The following MBD3 variants were observed in gnomAD, a reference collection of about 807,000 sequenced individuals.
MBD3 encodes methyl-CpG binding domain protein 3, also known as methyl-CpG-binding domain protein 3.
In MBD3, 13 loss-of-function variants were observed where a neutral mutation model predicts 31.2. The ratio of observed to expected loss-of-function variants is 0.42; its 90% CI spans 0.27 to 0.66. The LOEUF (loss-of-function observed/expected upper bound fraction) is 0.66, where lower values mean the gene tolerates loss of function less well. Ranked by LOEUF, MBD3 falls within the 30% of genes least tolerant of loss-of-function variation. The pLI, the probability that MBD3 is intolerant of heterozygous loss-of-function variation, is 0.26. For missense variants in MBD3, 440 were observed against 426.5 expected, an observed-to-expected ratio of 1.03 and a Z score of -0.28; for synonymous variants, 223 against 187.4, an observed-to-expected ratio of 1.19 and a Z score of -1.55.
At chr19:1,581,022 G>A (rs1169744760) in intron 5 of MBD3, 70 bp downstream of exon 5, 13 of 1,582,408 alleles carry the variant, frequency 8.2e-6, no homozygotes, top group Admixed American at 1.7e-5. Flanking sequence ...GCAGGCACAC[G>A]GGGACACTCA....
Position 1,578,501 on chromosome 19 carries a change from G to T in MBD3, c.715C>A (p.Leu239Met). ...ATGTCGGCCATCAGCGCCTCCTCCA[G>T]CCGCTTCCGCACCTGCTGCACCAGC... ...EELVQQVRKR[L>M]EEALMADMLA... Residue 239 changes from leucine (L) to methionine (M), a missense_variant, in exon 6 of 7, where the codon CTG (leucine) becomes ATG (methionine). This residue lies in a region of MBD3 where 117 missense variants were observed against 95.0 expected (regional missense o/e 1.23). Transcript: ENST00000434436. This position sits in a 1 kb window ranked among gnomAD's most constrained non-coding sequence, Gnocchi z 6.1. The T allele has an allele frequency of 6.2e-7, 1 of 1,612,056 alleles. No individual in the cohort carries two copies.
chr19:1,586,004 G>A (rs2060677547), intron 1 of MBD3: 1 of 152,404 alleles, frequency 6.6e-6, no homozygotes, highest in Non-Finnish European at 1.5e-5. Context: ...GGGTTGCCCT[G>A]TGTGTCACAT....
At chr19:1,580,657 CCTGA>C (rs1276875755) in intron 5 of MBD3, among the ~76,000 whole-genome samples, 1 of 152,242 alleles carries the variant, frequency 6.6e-6, no homozygotes, top group East Asian at 1.9e-4. Flanking sequence ...CTCAGCCTCA[CCTGA>C]CTGTTGCCTG....
At chr19:1,587,576 A>G (rs1432656234) in intron 1 of MBD3, among the ~76,000 whole-genome samples, 1 of 152,070 alleles carries the variant, frequency 6.6e-6, no homozygotes, top group Non-Finnish European at 1.5e-5. Context: ...CACCATGCCC[A>G]GCTAATTTTT....
At chr19:1,584,961 G>A (rs1006605335) in intron 2 of MBD3, 94 bp downstream of exon 2, 2 of 1,536,590 alleles carry the variant, frequency 1.3e-6, no homozygotes, top group Admixed American at 1.8e-5. Flanking sequence ...CTGCGCTCAG[G>A]ACGCCGGGCT....
chr19:1,584,441 T>C, intron 3 of MBD3, 99 bp downstream of exon 3: 1 of 1,543,864 alleles, frequency 6.5e-7, no homozygotes, highest in Non-Finnish European at 8.8e-7. Context: ...ACTCCTGCGC[T>C]CACTACGTCC....
intron 2 of MBD3, 94 bp from the exon 3 acceptor site, chr19:1,584,771 G>A (rs1485673070): frequency 9.7e-6 from 13 of 1,333,570 alleles, no homozygotes; most frequent in East Asian, 2.7e-5. Context: ...CTGCTTTGCC[G>A]GCGCCCCTCG....
At chr19:1,590,604 G>A (rs1435840769) in intron 1 of MBD3, among the ~76,000 whole-genome samples, 1 of 151,680 alleles carries the variant, frequency 6.6e-6, no homozygotes, top group Non-Finnish European at 1.5e-5. Flanking sequence ...GTGAGACCCT[G>A]TCTCAAAGAA....
At chr19:1,589,454 AC>A (rs1377064351) in intron 1 of MBD3, among the ~76,000 whole-genome samples, 1 of 151,828 alleles carries the variant, frequency 6.6e-6, no homozygotes, top group Non-Finnish European at 1.5e-5. Flanking sequence ...GGAGTTCAAG[AC>A]CAGCCTGGCC....
In MBD3 at chr19:1,585,194, C is replaced by T. The variant is rs2060673339; in HGVS notation, c.131G>A (p.Arg44His). 2 of 1,603,012 alleles carry T rather than the reference C, an allele frequency of 1.2e-6. No homozygotes were observed. Among genetic ancestry groups the T allele is most frequent in the South Asian group, 1.1e-5 (1 of 90,694 alleles). Reference sequence around the variant, plus strand: ...GTAGCGCGCCAGCTGCGGCTTGCTGCGGAACTTCTTCCCGCTCGGGCTGCG... The same window carrying T: ...GTAGCGCGCCAGCTGCGGCTTGCTGTGGAACTTCTTCCCGCTCGGGCTGCG... ...FYYSPSGKKF[R>H]SKPQLARYLG... Residue 44 changes from arginine (R) to histidine (H), a missense_variant, in exon 2 of 7, where the codon CGC (arginine) becomes CAC (histidine). Around this residue, in one of 3 missense-constraint regions of MBD3, gnomAD observed 179 missense variants for 134.7 expected, o/e 1.33. Transcript: ENST00000434436. The surrounding 1 kb of genome is among the most constrained non-coding windows in gnomAD (Gnocchi z 4.1).
intron 1 of MBD3, among the ~76,000 whole-genome samples, chr19:1,591,036 C>CG (rs1248705442): frequency 6.6e-6 from 1 of 152,338 alleles, no homozygotes; most frequent in African/African-American, 2.4e-5. Flanking sequence ...CAGGATACTC[C>CG]GCTCAAGCTG....
At chr19:1,590,523 T>C (rs2060698713) in intron 1 of MBD3, among the ~76,000 whole-genome samples, 3 of 152,024 alleles carry the variant, frequency 2.0e-5, no homozygotes, top group Admixed American at 2.0e-4. Context: ...GAGGCTGAGC[T>C]GAGAGGGTCG....
rs1016005395 is a variant in MBD3, at chr19:1,575,925, C to G, written c.*2239G>C. The G allele has an allele frequency of 2.0e-5, 3 of 152,308 alleles. No individual in the cohort carries two copies. The highest frequency in any genetic ancestry group is 7.2e-5 in the African/African-American group (3 of 41,420). 9.4% of individuals were successfully genotyped at this position (152,308 alleles called of 1,614,324 possible). On this transcript the variant is annotated 3_prime_UTR_variant, in exon 7 of 7. Coordinates refer to ENST00000434436, the MANE Select transcript of MBD3 (RefSeq NM_001281453.2). ...CCAAGGCCAGGACATGGCCAGAACC[C>G]CGGGATCAGAGGGACTGATCGGGGT...
intron 2 of MBD3, 33 bp from the exon 3 acceptor site, chr19:1,584,710 G>T: frequency 6.2e-7 from 1 of 1,601,040 alleles, no homozygotes; most frequent in South Asian, 1.1e-5. Flanking sequence ...TCCGGCCTGG[G>T]GGCGCCCCGG....
chr19:1,587,853 T>G (rs761941110), intron 1 of MBD3, among the ~76,000 whole-genome samples: 11 of 151,572 alleles, frequency 7.3e-5, no homozygotes, highest in South Asian at 4.1e-4. Context: ...GATTGGTGGG[T>G]AGCTCTGTTT....
intron 3 of MBD3, 113 bp from the exon 4 acceptor site, chr19:1,582,825 A>G (rs971791895): frequency 1.1e-5 from 9 of 848,782 alleles, no homozygotes; most frequent in Non-Finnish European, 1.8e-5. Context: ...GTGGGTCCCA[A>G]TGGGGCATCT....
chr19:1,574,748 G>A lies in MBD3; in HGVS notation c.*3416C>T, dbSNP rs1173368555. ...TCCGAAAGAACGTTCCGGAAGCTGG[G>A]GGTGTTTTCCATGGGCACCTCCGGG... On this transcript the variant is annotated 3_prime_UTR_variant, in exon 7 of 7. Transcript: ENST00000434436. 1 of 157,444 alleles carries A rather than the reference G, an allele frequency of 6.4e-6. No individual in the cohort carries two copies. The highest frequency in any genetic ancestry group is 1.4e-5 in the Non-Finnish European group (1 of 70,888). 9.8% of individuals were successfully genotyped at this position (157,444 alleles called of 1,614,324 possible). A position where few individuals can be genotyped will look rare whatever the true frequency, so the allele number is the denominator to read the frequency against.
rs979729037 is a variant in MBD3, at chr19:1,581,483, C to T, written c.500-214G>A. The T allele has an allele frequency of 8.2e-6, 5 of 612,754 alleles. No homozygotes were observed. The Admixed American group carries it at 1.0e-4, about 13-fold the overall frequency. 38.0% of individuals were successfully genotyped at this position (612,754 alleles called of 1,614,324 possible). On this transcript the variant is annotated intron_variant, in intron 4 of 6. Coordinates refer to ENST00000434436, the MANE Select transcript of MBD3 (RefSeq NM_001281453.2). ...TTAGGCCAGGCGTGGCGACTCCCGCCTGTAATCCCAGCATCTTGGGAGGGC... is the reference window on the plus strand; with the variant it reads ...TTAGGCCAGGCGTGGCGACTCCCGCTTGTAATCCCAGCATCTTGGGAGGGC...
At position 1,580,179 on chromosome 19, in the gene MBD3, C is replaced by G. The variant is rs151250530; in HGVS notation, c.677+913G>C. 6.8e-3 allele frequency among the ~76,000 whole-genome samples: 1,034 copies of G among 152,316 alleles called. 8 individuals are homozygous for G. The highest frequency in any genetic ancestry group is 0.01 in the Non-Finnish European group (708 of 68,030). On this transcript the variant is annotated intron_variant, in intron 5 of 6. Coordinates refer to ENST00000434436, the MANE Select transcript of MBD3 (RefSeq NM_001281453.2). ...TCTTCATTTCGGGAAGTTCTCTGAG[C>G]GCGCAGAGAGTGTAAATGGACCTCA...
Sources: allele counts gnomAD v4.1 joint callset (sites outside exome capture counted in the v4.1 genomes callset), GRCh38; gene constraint gnomAD v4.1.1; regional missense constraint gnomAD v4.1.1; non-coding constraint Gnocchi (gnomAD v3.1); transcripts MANE v1.5; gene names NCBI Gene and HGNC (gene_info 2026-07-23, HGNC 2026-07-21).